The following OSBPL3 variants were observed in gnomAD, a reference collection of about 807,000 sequenced individuals.
The protein encoded by OSBPL3 is oxysterol binding protein like 3.
In OSBPL3, 65 loss-of-function variants were observed where a neutral mutation model predicts 120.1. The observed-to-expected ratio is 0.54, with a 90% CI of 0.44 to 0.67. The LOEUF is 0.67. OSBPL3 is among the 30% of genes least tolerant of loss of function. OSBPL3 has a pLI of 0.00. For missense variants in OSBPL3, 1,004 were observed against 1,082.1 expected (o/e 0.93, Z 1.01); for synonymous variants, 416 against 402.6 (o/e 1.03, Z -0.40).
chr7:24,867,820 T>C lies in OSBPL3; in HGVS notation c.382-1583A>G, dbSNP rs1261137535. Reference sequence around the variant, plus strand: ...TCAGAAATAAAGCACTATACAGCAATAGTATTATTTTTCTAACTTTTATTA... The same window carrying C: ...TCAGAAATAAAGCACTATACAGCAACAGTATTATTTTTCTAACTTTTATTA... On this transcript the variant is annotated intron_variant, in intron 5 of 22. Transcript: ENST00000313367. The surrounding 1 kb of genome is among the most constrained non-coding windows in gnomAD (Gnocchi z 4.5). Among the ~76,000 whole-genome samples the C allele has an allele frequency of 1.3e-5, 2 of 152,148 alleles. No individual in the cohort carries two copies. Among genetic ancestry groups the C allele is most frequent in the Non-Finnish European group, 2.9e-5 (2 of 68,020 alleles).
At chr7:24,842,100 C>T (rs1331514421) in intron 13 of OSBPL3, among the ~76,000 whole-genome samples, 179 bp downstream of exon 13, 1 of 151,972 alleles carries the variant, frequency 6.6e-6, no homozygotes, top group Admixed American at 6.6e-5. Flanking sequence ...TTTTTCTTCT[C>T]ACATATAGTA....
intron 12 of OSBPL3, 31 bp from the exon 13 acceptor site, chr7:24,842,444 C>A (rs763730199): frequency 6.7e-7 from 1 of 1,484,718 alleles, no homozygotes; most frequent in Non-Finnish European, 9.2e-7. Context: ...AAAATGTATA[C>A]ATTTAAAAAC....
rs569584928 is a variant in OSBPL3, at chr7:24,823,330, G to C, written c.1885-3092C>G. Among the ~76,000 whole-genome samples, 15 of 130,174 alleles carry C rather than the reference G, an allele frequency of 1.2e-4. No individual in the cohort carries two copies. In the Admixed American group the frequency reaches 1.4e-3, roughly 12 times the overall value. 85.4% of individuals were successfully genotyped at this position (130,174 alleles called of 152,430 possible). On this transcript the variant is annotated intron_variant, in intron 16 of 22. Transcript: ENST00000313367. ...AGTGAAAATATACTCATTTAAAAGA[G>C]ACTAAGTGAAAATACACTCATTTAA...
At chr7:24,920,958 A>T (rs79075163) in intron 1 of OSBPL3, among the ~76,000 whole-genome samples, 3,446 of 152,274 alleles carry the variant, frequency 0.023, 69 homozygotes, top group South Asian at 0.07. Context: ...GTTGACAATT[A>T]TATCCAGTAA....
In OSBPL3 at chr7:24,940,792, C is replaced by T. The variant is rs1378005503; in HGVS notation, c.-150+39094G>A. On this transcript the variant is annotated intron_variant, in intron 1 of 22. Transcript: ENST00000313367. This position sits in a 1 kb window ranked among gnomAD's most constrained non-coding sequence, Gnocchi z 4.4. ...CAAAGCTCACACTTCCCACATCGCTCTTCTTAACATTTCTTCCTTTTTTTT... is the reference window on the plus strand; with the variant it reads ...CAAAGCTCACACTTCCCACATCGCTTTTCTTAACATTTCTTCCTTTTTTTT... 6.6e-6 allele frequency among the ~76,000 whole-genome samples: 1 copy of T among 151,128 alleles called. No individual in the cohort carries two copies. Among genetic ancestry groups the T allele is most frequent in the African/African-American group, 2.4e-5 (1 of 41,062 alleles).
At chr7:24,941,413 G>GT (rs147962394) in intron 1 of OSBPL3, among the ~76,000 whole-genome samples, 2,335 of 152,190 alleles carry the variant, frequency 0.015, 59 homozygotes, top group African/African-American at 0.052. Context: ...CCAGGTTCAG[G>GT]TAGCAATTAT....
chr7:24,807,701 T>TAAA (rs1793239087), intron 20 of OSBPL3, among the ~76,000 whole-genome samples: 3 of 152,122 alleles, frequency 2.0e-5, no homozygotes, highest in African/African-American at 7.2e-5. Flanking sequence ...ATTCCTACCC[T>TAAA]TTTTACCAAT....
intron 14 of OSBPL3, among the ~76,000 whole-genome samples, chr7:24,839,991 CAAAAAAAAAAAA>C (rs71675250): frequency 7.5e-5 from 4 of 53,268 alleles, no homozygotes; most frequent in African/African-American, 2.4e-4. Context: ...CTCCATCTCA[CAAAAAAAAAAAA>C]AAAAAAAAAA....
rs146226869 is a variant in OSBPL3, at chr7:24,835,284, ATTAT to A, written c.1496-552_1496-549del. On this transcript the variant is annotated intron_variant, in intron 14 of 22. Transcript: ENST00000313367. This position sits in a 1 kb window ranked among gnomAD's most constrained non-coding sequence, Gnocchi z 4.8. ...TTCAGCTAACAGAGTATTTTTCCAT[ATTAT>A]TTAAAATTTTTCTAAAACATCAGTT... Among the ~76,000 whole-genome samples the A allele has an allele frequency of 0.024, 3,616 of 152,088 alleles. 92 individuals are homozygous for A. The highest frequency in any genetic ancestry group is 0.13 in the East Asian group (651 of 5,158).
At chr7:24,856,834 C>G (rs1562834904) in intron 10 of OSBPL3, among the ~76,000 whole-genome samples, 1 of 152,218 alleles carries the variant, frequency 6.6e-6, no homozygotes, top group Non-Finnish European at 1.5e-5. Context: ...CTGGGACACT[C>G]TGATCTTCTG....
chr7:24,851,296 A>G lies in OSBPL3; in HGVS notation c.1158+1208T>C, dbSNP rs1373498263. Among the ~76,000 whole-genome samples the G allele has an allele frequency of 6.6e-6, 1 of 152,238 alleles. No homozygotes were observed. The highest frequency in any genetic ancestry group is 1.5e-5 in the Non-Finnish European group (1 of 68,040). On this transcript the variant is annotated intron_variant, in intron 11 of 22. Transcript: ENST00000313367. This position sits in a 1 kb window ranked among gnomAD's most constrained non-coding sequence, Gnocchi z 4.1. ...GGGCGATTCTATCTGTGACCTTAAG[A>G]CAACGTTAAGACTCTTCTTTATATA...
intron 10 of OSBPL3, among the ~76,000 whole-genome samples, chr7:24,853,460 A>G (rs996240921): frequency 6.6e-6 from 1 of 152,226 alleles, no homozygotes; most frequent in African/African-American, 2.4e-5. Flanking sequence ...TGTCAATTTG[A>G]CGAAAGAGAA....
At chr7:24,909,778 T>TC (rs1808524597) in intron 1 of OSBPL3, among the ~76,000 whole-genome samples, 1 of 130,038 alleles carries the variant, frequency 7.7e-6, no homozygotes, top group African/African-American at 2.9e-5. Context: ...GTTTTTTTTT[T>TC]CTTTCTTTTT....
intron 1 of OSBPL3, among the ~76,000 whole-genome samples, chr7:24,925,378 G>A (rs1810926874): frequency 6.6e-6 from 1 of 152,196 alleles, no homozygotes; most frequent in South Asian, 2.1e-4. Flanking sequence ...GTGGCCAGAT[G>A]TCTTTTCAAG....
chr7:24,910,977 G>C (rs1384862961), intron 1 of OSBPL3, among the ~76,000 whole-genome samples: 2 of 152,214 alleles, frequency 1.3e-5, no homozygotes, highest in Non-Finnish European at 2.9e-5. Flanking sequence ...CTGGGGATGA[G>C]GCCAGGGCAA....
chr7:24,853,844 A>T (rs1799480484), intron 10 of OSBPL3, among the ~76,000 whole-genome samples: 1 of 152,202 alleles, frequency 6.6e-6, no homozygotes, highest in South Asian at 2.1e-4. Flanking sequence ...TCTCTGTATA[A>T]TTCTTGCAAC....
chr7:24,850,180 C>A (rs1053311799), intron 11 of OSBPL3, among the ~76,000 whole-genome samples: 1 of 152,140 alleles, frequency 6.6e-6, no homozygotes, highest in Admixed American at 6.5e-5. Flanking sequence ...TGAGACTATG[C>A]CCCCAGGCCT....
intron 1 of OSBPL3, among the ~76,000 whole-genome samples, chr7:24,969,023 T>C (rs1161110015): frequency 6.6e-6 from 1 of 152,234 alleles, no homozygotes; most frequent in Non-Finnish European, 1.5e-5. Flanking sequence ...CTTAGGACTG[T>C]TATTGCTGAT....
intron 1 of OSBPL3, among the ~76,000 whole-genome samples, chr7:24,945,021 G>T (rs1184656889): frequency 4.6e-5 from 7 of 152,106 alleles, no homozygotes; most frequent in African/African-American, 1.7e-4. Flanking sequence ...CCACTGCCAG[G>T]TCCTTTGGTG....
Sources: gnomAD v4.1 joint callset for allele counts (sites outside exome capture counted in the v4.1 genomes callset) on GRCh38, gnomAD v4.1.1 for gene constraint, Gnocchi (gnomAD v3.1) non-coding constraint, MANE v1.5 for transcripts, NCBI Gene and HGNC (gene_info 2026-07-23, HGNC 2026-07-21) for gene names.